The following ZNF407 variants were observed in gnomAD, a reference collection of about 807,000 sequenced individuals.
The protein encoded by ZNF407 is zinc finger protein 407.
A neutral mutation model predicts 131.2 loss-of-function variants in ZNF407; 17 were observed. The observed-to-expected ratio is 0.13, with a 90% confidence interval of 0.09 to 0.19. The LOEUF (loss-of-function observed/expected upper bound fraction) is 0.19. Ranked by LOEUF, ZNF407 falls within the 10% of genes least tolerant of loss-of-function variation. The probability of loss-of-function intolerance (pLI) is 1.00; values close to 1 mark genes in which losing one functional copy is unlikely to be tolerated. For missense variants in ZNF407, 2,681 were observed against 2,830.6 expected (o/e 0.95, Z 1.20); for synonymous variants, 1,156 against 1,062.0 (o/e 1.09, Z -1.72).
At chr18:74,795,475 T>C (rs1432069742) in intron 4 of ZNF407, among the ~76,000 whole-genome samples, 1 of 152,208 alleles carries the variant, frequency 6.6e-6, no homozygotes, top group Non-Finnish European at 1.5e-5. Flanking sequence ...ATATTAGAAA[T>C]ATTTTGAAAT....
intron 4 of ZNF407, among the ~76,000 whole-genome samples, chr18:74,873,641 C>G (rs1461818772): frequency 6.6e-6 from 1 of 151,958 alleles, no homozygotes; most frequent in African/African-American, 2.4e-5. Context: ...CCCAGGAGGT[C>G]CTGAGGCTGC....
At chr18:74,717,506 T>TAA (rs1967923058) in intron 3 of ZNF407, among the ~76,000 whole-genome samples, 1 of 152,312 alleles carries the variant, frequency 6.6e-6, no homozygotes, top group African/African-American at 2.4e-5. Context: ...TATACAGATC[T>TAA]AAAAACAATC....
intron 8 of ZNF407, among the ~76,000 whole-genome samples, chr18:75,030,127 C>G (rs943294796): frequency 6.6e-6 from 1 of 152,012 alleles, no homozygotes; most frequent in African/African-American, 2.4e-5. Flanking sequence ...GCTGGGTGGT[C>G]ATAGAGTATT....
intron 8 of ZNF407, among the ~76,000 whole-genome samples, chr18:74,976,650 C>A (rs1972531892): frequency 6.6e-6 from 1 of 152,186 alleles, no homozygotes; most frequent in African/African-American, 2.4e-5. Context: ...TAGATGTCTG[C>A]CGAGTATGAA....
intron 7 of ZNF407, among the ~76,000 whole-genome samples, chr18:74,910,208 TAGA>T (rs997880337): frequency 4.8e-4 from 73 of 152,342 alleles, no homozygotes; most frequent in African/African-American, 1.7e-3. Context: ...ACTGTAGTGA[TAGA>T]CACTTACGCA....
intron 8 of ZNF407, among the ~76,000 whole-genome samples, chr18:75,018,274 A>G (rs1264359451): frequency 1.3e-5 from 2 of 152,024 alleles, no homozygotes; most frequent in African/African-American, 4.8e-5. Context: ...GAAAGAAAAA[A>G]CCCAAGCACC....
intron 3 of ZNF407, among the ~76,000 whole-genome samples, chr18:74,718,250 C>G (rs982508168): frequency 1.3e-5 from 2 of 151,162 alleles, no homozygotes; most frequent in Non-Finnish European, 2.9e-5. Flanking sequence ...CCAGAGATTA[C>G]TTTTCGTCAC....
At chr18:74,680,680 G>A (rs559533772) in intron 3 of ZNF407, among the ~76,000 whole-genome samples, 2 of 152,172 alleles carry the variant, frequency 1.3e-5, no homozygotes, top group South Asian at 2.1e-4. Context: ...TTGAGTAGAT[G>A]TAGTATTTTT....
chr18:74,699,925 T>A (rs1301510537), intron 3 of ZNF407, among the ~76,000 whole-genome samples: 1 of 152,214 alleles, frequency 6.6e-6, no homozygotes, highest in African/African-American at 2.4e-5. Context: ...TTTCTCTTAG[T>A]AAATTAAAGT....
intron 8 of ZNF407, chr18:75,062,573 A>G (rs1334021000): frequency 6.6e-6 from 1 of 152,262 alleles, no homozygotes; most frequent in African/African-American, 2.4e-5. Context: ...GCCCAGGTTC[A>G]GCACCTGAAA....
intron 4 of ZNF407, among the ~76,000 whole-genome samples, chr18:74,850,110 G>A (rs1970760434): frequency 6.6e-6 from 1 of 152,022 alleles, no homozygotes; most frequent in Non-Finnish European, 1.5e-5. Flanking sequence ...AAGTTAAAGG[G>A]TTTTCCAGTG....
intron 3 of ZNF407, among the ~76,000 whole-genome samples, chr18:74,654,294 A>G (rs1985354691): frequency 6.6e-6 from 1 of 151,840 alleles, no homozygotes; most frequent in Admixed American, 6.6e-5. Flanking sequence ...GGCAGTAAAC[A>G]TGGCAGCACC....
rs956964407 is a variant in ZNF407, at chr18:74,703,618, G to A, written c.4802+62496G>A. ...TGACCTCAGGTGATCTGCCCTCCTC[G>A]GCCTCCCAAAGTGCTGGGATTACAG... On this transcript the variant is annotated intron_variant, in intron 3 of 8. Transcript: ENST00000299687. The surrounding 1 kb of genome is among the most constrained non-coding windows in gnomAD (Gnocchi z 4.1). Among the ~76,000 whole-genome samples, 8 of 152,046 alleles carry A rather than the reference G, an allele frequency of 5.3e-5. No individual in the cohort carries two copies. The highest frequency in any genetic ancestry group is 5.2e-4 in the Admixed American group (8 of 15,270).
At chr18:74,654,759 A>G (rs1243645725) in intron 3 of ZNF407, among the ~76,000 whole-genome samples, 1 of 151,854 alleles carries the variant, frequency 6.6e-6, no homozygotes, top group African/African-American at 2.4e-5. Context: ...CTGGTCTGCT[A>G]TATTAAGCAC....
intron 3 of ZNF407, among the ~76,000 whole-genome samples, chr18:74,687,280 C>G (rs951672487): frequency 6.6e-6 from 1 of 151,994 alleles, no homozygotes; most frequent in East Asian, 1.9e-4. Flanking sequence ...CCTAGTATTT[C>G]GAGGATACAG....
intron 7 of ZNF407, among the ~76,000 whole-genome samples, chr18:74,894,423 T>C (rs1254552496): frequency 1.3e-5 from 2 of 152,112 alleles, no homozygotes; most frequent in African/African-American, 4.8e-5. Flanking sequence ...ACCTCTGTAT[T>C]AATGAGAATG....
intron 7 of ZNF407, among the ~76,000 whole-genome samples, chr18:74,901,608 A>G (rs1163861304): frequency 1.3e-5 from 2 of 152,224 alleles, no homozygotes; most frequent in South Asian, 2.1e-4. Context: ...ATCTGGAACC[A>G]TCCTCCCAGG....
chr18:74,860,307 CGAA>C (rs142538676), intron 4 of ZNF407, among the ~76,000 whole-genome samples: 19,855 of 150,538 alleles, frequency 0.13, 1,397 homozygotes, highest in Middle Eastern at 0.27. Context: ...TTAAAAAAAA[CGAA>C]GAAGAAGAAG....
intron 4 of ZNF407, among the ~76,000 whole-genome samples, chr18:74,854,130 A>G (rs1022213719): frequency 6.6e-6 from 1 of 152,210 alleles, no homozygotes; most frequent in African/African-American, 2.4e-5. Context: ...CTTGCACCAC[A>G]GTATCCACCC....
Sources: allele counts gnomAD v4.1 joint callset (sites outside exome capture counted in the v4.1 genomes callset), GRCh38; gene constraint gnomAD v4.1.1; non-coding constraint Gnocchi (gnomAD v3.1); transcripts MANE v1.5; gene names NCBI Gene and HGNC (gene_info 2026-07-23, HGNC 2026-07-21).